Variants in TTLL5 observed in about 807,000 individuals in gnomAD.
TTLL5 encodes the protein tubulin tyrosine ligase like 5, also known as tubulin polyglutamylase TTLL5.
Under a neutral mutation model 168.4 loss-of-function variants are expected in TTLL5, and 132 were observed. The ratio of observed to expected loss-of-function variants is 0.78; its 90% CI spans 0.68 to 0.91. The LOEUF (loss-of-function observed/expected upper bound fraction) is 0.91. Among genes scored for constraint, TTLL5 ranks in the 40% least tolerant of loss-of-function variants. The pLI is 0.00. For missense variants in TTLL5, 1,545 were observed against 1,581.5 expected (o/e 0.98, Z 0.39); for synonymous variants, 546 against 558.6 (o/e 0.98, Z 0.32).
At chr14:75,815,129 G>A (rs1894315521) in intron 27 of TTLL5, among the ~76,000 whole-genome samples, 2 of 152,182 alleles carry the variant, frequency 1.3e-5, no homozygotes, top group Non-Finnish European at 2.9e-5. Flanking sequence ...GAGACTGCTG[G>A]GTGAGGGATG....
intron 31 of TTLL5, among the ~76,000 whole-genome samples, chr14:75,922,465 C>A (rs1247927700): frequency 6.6e-6 from 1 of 152,100 alleles, no homozygotes; most frequent in African/African-American, 2.4e-5. Context: ...TTGTCAAAGG[C>A]CTTTTCTGCA....
At chr14:75,747,029 C>T (rs1329685972) in intron 17 of TTLL5, among the ~76,000 whole-genome samples, 1 of 151,990 alleles carries the variant, frequency 6.6e-6, no homozygotes, top group African/African-American at 2.4e-5. Flanking sequence ...CTAATTTTCT[C>T]CTTTCCTGTC....
chr14:75,903,668 A>T (rs1370074424), intron 31 of TTLL5, among the ~76,000 whole-genome samples: 1 of 151,928 alleles, frequency 6.6e-6, no homozygotes, highest in Admixed American at 6.6e-5. Context: ...CTTTGGAAAG[A>T]CGAGGCAGGA....
intron 28 of TTLL5, among the ~76,000 whole-genome samples, chr14:75,847,244 C>T (rs1896596529): frequency 6.6e-6 from 1 of 152,008 alleles, no homozygotes; most frequent in South Asian, 2.1e-4. Flanking sequence ...CTCAGGTGAT[C>T]CACCCACCTC....
chr14:75,781,507 A>C (rs1232285462), intron 24 of TTLL5, among the ~76,000 whole-genome samples: 1 of 152,224 alleles, frequency 6.6e-6, no homozygotes, highest in Non-Finnish European at 1.5e-5. Flanking sequence ...GTATGATTCT[A>C]GCCCTTGACA....
chr14:75,757,925 G>T lies in TTLL5; in HGVS notation c.1550+4970G>T. On this transcript the variant is annotated intron_variant, in intron 18 of 31. Transcript: ENST00000298832. ...TTCCATGTGCATAATGTGTGACCATGCACAGACTAAGCATAATACCTTATA... is the reference window on the plus strand; with the variant it reads ...TTCCATGTGCATAATGTGTGACCATTCACAGACTAAGCATAATACCTTATA... 15 of 1,507,140 alleles carry T rather than the reference G, an allele frequency of 1.0e-5. No homozygotes were observed. In the South Asian group the frequency reaches 1.8e-4, roughly 18 times the overall value. 93.4% of individuals were successfully genotyped at this position (1,507,140 alleles called of 1,614,324 possible).
At chr14:75,745,926 A>T (rs1302848992) in intron 17 of TTLL5, among the ~76,000 whole-genome samples, 1 of 152,182 alleles carries the variant, frequency 6.6e-6, no homozygotes, top group Admixed American at 6.5e-5. Context: ...GATCTAGTTT[A>T]TATGCAGTAA....
rs74069225 is a variant in TTLL5, at chr14:75,751,250, C to T, written c.1488-1643C>T. 9.5e-3 allele frequency among the ~76,000 whole-genome samples: 1,450 copies of T among 152,286 alleles called. 19 individuals are homozygous for T. Among genetic ancestry groups the T allele is most frequent in the African/African-American group, 0.03 (1,229 of 41,546 alleles). ...CTAGCATGAATTTCTTTCTTCTTCA[C>T]GATGTCATGGATAGAAAATTTGTTC... is the stretch of plus-strand genomic sequence containing the variant. On this transcript the variant is annotated intron_variant, in intron 17 of 31. Coordinates refer to ENST00000298832, the MANE Select transcript of TTLL5 (RefSeq NM_015072.5).
At chr14:75,837,235 A>G (rs1423937436) in intron 28 of TTLL5, 2 of 152,146 alleles carry the variant, frequency 1.3e-5, no homozygotes, top group Non-Finnish European at 2.9e-5. Context: ...AGGAGGCCTC[A>G]GTTTCTCACT....
rs1304496430 is a variant in TTLL5, at chr14:75,914,052, A to ATATATATATATATATATATATATT, written c.3823+11831_3823+11832insATATATATATATATATATATTTAT. Among the ~76,000 whole-genome samples, 15 of 122,362 alleles carry ATATATATATATATATATATATATT rather than the reference A, an allele frequency of 1.2e-4. No individual in the cohort carries two copies. The East Asian group carries it at 2.4e-3, about 19-fold the overall frequency. 80.3% of individuals were successfully genotyped at this position (122,362 alleles called of 152,430 possible). A position where few individuals can be genotyped will look rare whatever the true frequency, so the allele number is the denominator to read the frequency against. ...AAAAAAAATATATATATATATATAT[A>ATATATATATATATATATATATATT]TATTTTATCCCCTAAGGGCCCAGTT... On this transcript the variant is annotated intron_variant, in intron 31 of 31. Transcript: ENST00000298832.
intron 3 of TTLL5, among the ~76,000 whole-genome samples, chr14:75,677,392 T>C (rs4903341): frequency 0.061 from 2,400 of 39,438 alleles, 14 homozygotes; most frequent in Middle Eastern, 0.13. Context: ...CTCTCTCTCT[T>C]TTTTTTTTTT....
At chr14:75,771,708 C>T (rs773863393) in intron 20 of TTLL5, 26 bp from the exon 21 acceptor site, 24 of 1,612,182 alleles carry the variant, frequency 1.5e-5, no homozygotes, top group Middle Eastern at 1.6e-4. Flanking sequence ...TGTCACATAA[C>T]GGTATGTTGT....
chr14:75,716,494 G>GT (rs1216507243), intron 9 of TTLL5, among the ~76,000 whole-genome samples: 1 of 152,148 alleles, frequency 6.6e-6, no homozygotes, highest in Non-Finnish European at 1.5e-5. Context: ...GAAGAGGAAA[G>GT]TTTTTTAATG....
intron 27 of TTLL5, among the ~76,000 whole-genome samples, chr14:75,805,601 C>A (rs183511983): frequency 6.6e-6 from 1 of 152,306 alleles, no homozygotes; most frequent in East Asian, 1.9e-4. Context: ...TGCTGAGAGT[C>A]AGGTCCACAT....
At chr14:75,927,134 G>A (rs567772897) in intron 31 of TTLL5, among the ~76,000 whole-genome samples, 2 of 152,214 alleles carry the variant, frequency 1.3e-5, no homozygotes, top group South Asian at 2.1e-4. Context: ...GTACATAGTA[G>A]GTGTATGTGT....
intron 18 of TTLL5, among the ~76,000 whole-genome samples, chr14:75,761,810 A>G (rs1248494656): frequency 6.6e-6 from 1 of 152,224 alleles, no homozygotes; most frequent in African/African-American, 2.4e-5. Flanking sequence ...TAATATTTGG[A>G]TATGTCACTG....
Position 75,709,400 on chromosome 14 carries a change from C to G in TTLL5, c.740+1693C>G, listed in dbSNP as rs975653297. 7.4e-6 allele frequency: 4 copies of G among 542,720 alleles called. 1 individual carries two copies. Among genetic ancestry groups the G allele is most frequent in the Admixed American group, 3.3e-5 (1 of 30,648 alleles). The allele number at this position is 542,720 out of a possible 1,614,324, so 33.6% of individuals were successfully genotyped here. The stretch of plus-strand genomic sequence containing the variant: ...GTGGAGCTCTGTGTTCCGTTCGCCT[C>G]TAGGTGGCAGTCACAGCATTTATAA... On this transcript the variant is annotated intron_variant, in intron 9 of 31. Coordinates refer to ENST00000298832, the MANE Select transcript of TTLL5 (RefSeq NM_015072.5).
chr14:75,860,680 A>G (rs575094346), intron 28 of TTLL5, among the ~76,000 whole-genome samples: 19 of 151,582 alleles, frequency 1.3e-4, no homozygotes, highest in Non-Finnish European at 2.5e-4. Flanking sequence ...CTTTGTATTC[A>G]TTTGTTCACT....
intron 9 of TTLL5, among the ~76,000 whole-genome samples, chr14:75,712,847 A>G (rs1437553800): frequency 6.6e-6 from 1 of 152,130 alleles, no homozygotes; most frequent in Non-Finnish European, 1.5e-5. Context: ...TTAAAAATTT[A>G]TTGTCAAAAT....
Sources: gnomAD v4.1 joint callset for allele counts (sites outside exome capture counted in the v4.1 genomes callset) on GRCh38, gnomAD v4.1.1 for gene constraint, MANE v1.5 for transcripts, NCBI Gene and HGNC (gene_info 2026-07-23, HGNC 2026-07-21) for gene names.